KLHL7: variants seen among roughly 807,000 people sequenced by gnomAD.
KLHL7 encodes the protein kelch like family member 7, also known as kelch-like protein 7.
Under a neutral mutation model 67.4 loss-of-function variants are expected in KLHL7, and 44 were observed. The observed-to-expected ratio is 0.65, with a 90% CI of 0.51 to 0.84. The LOEUF is 0.84. KLHL7 is among the 40% of genes least tolerant of loss of function. The pLI, the probability that KLHL7 is intolerant of heterozygous loss-of-function variation, is 0.00. For synonymous variants in KLHL7, 252 were observed against 243.3 expected, an observed-to-expected ratio of 1.04 and a Z score of -0.33; for missense variants, 362 against 718.1, an observed-to-expected ratio of 0.50 and a Z score of 5.67.
intron 7 of KLHL7, among the ~76,000 whole-genome samples, chr7:23,152,943 A>C (rs1784584981): frequency 1.3e-5 from 2 of 152,178 alleles, no homozygotes; most frequent in South Asian, 4.1e-4. Context: ...CAAACTTGCA[A>C]GGTGATATCC....
At position 23,174,319 on chromosome 7, in the gene KLHL7, T is replaced by G. The variant is rs1785243244; in HGVS notation, c.*21T>G. The G allele has an allele frequency of 4.4e-6, 7 of 1,596,932 alleles. No individual in the cohort carries two copies. Among genetic ancestry groups the G allele is most frequent in the Non-Finnish European group, 5.1e-6 (6 of 1,178,096 alleles). On this transcript the variant is annotated 3_prime_UTR_variant, in exon 11 of 11. Transcript: ENST00000339077. The stretch of plus-strand genomic sequence containing the variant: ...CATGAAAAATGAGTGGACTTCAGAC[T>G]CATCAGAGACTCTAAAATATAGCCA...
In KLHL7 at chr7:23,152,048, G is replaced by A. The variant is rs907544077; in HGVS notation, c.794-19G>A. 1 of 1,613,386 alleles carries A rather than the reference G, an allele frequency of 6.2e-7. No homozygotes were observed. Among genetic ancestry groups the A allele is most frequent in the South Asian group, 1.1e-5 (1 of 91,062 alleles). On this transcript the variant is annotated intron_variant, in intron 6 of 10. Transcript: ENST00000339077. ...TAGTGCCTGAAGTTCTTGAAGCGTT[G>A]CCATGTATTTTACTACAGGTGGAAT...
Position 23,174,347 on chromosome 7 carries a change from A to G in KLHL7, c.*49A>G, listed in dbSNP as rs752768650. 2 of 1,595,630 alleles carry G rather than the reference A, an allele frequency of 1.3e-6. No homozygotes were observed. Among genetic ancestry groups the G allele is most frequent in the Non-Finnish European group, 1.7e-6 (2 of 1,163,666 alleles). ...TCAGAGACTCTAAAATATAGCCACCAGTGCTTTGTTCCAGGAGTTTGGTGA... is the reference window on the plus strand; with the variant it reads ...TCAGAGACTCTAAAATATAGCCACCGGTGCTTTGTTCCAGGAGTTTGGTGA... On this transcript the variant is annotated 3_prime_UTR_variant, in exon 11 of 11. Transcript: ENST00000339077.
intron 4 of KLHL7, among the ~76,000 whole-genome samples, chr7:23,134,895 A>G (rs1315728857): frequency 3.9e-5 from 6 of 152,098 alleles, no homozygotes. Context: ...TTTCAAAAAA[A>G]CAACTTTTTG....
In KLHL7 at chr7:23,165,754, C is replaced by T. The variant is rs199531564; in HGVS notation, c.993C>T (p.Cys331=). Residue 331 remains cysteine (C), a synonymous_variant, in exon 8 of 11, where the codon TGC becomes TGT. Transcript: ENST00000339077. ...TTGAAAAACGAAGAGATGCAGCATG[C>T]GTGTTTTGGGACAATGTAGTATACA... ...CPFEKRRDAA[C]VFWDNVVYIL... is the part of the protein sequence containing the mutation. 120 of 1,613,926 alleles carry T rather than the reference C, an allele frequency of 7.4e-5. 1 individual carries two copies. The South Asian group carries it at 1.2e-3, about 16-fold the overall frequency.
Position 23,172,932 on chromosome 7 carries a change from A to G in KLHL7, c.1380-16A>G, listed in dbSNP as rs1313095656. ...CTTCCTGTAAACAAGCACACTAAAAACTTTAATTTTTTCAGATGGACTGAG... is the reference window on the plus strand; with the variant it reads ...CTTCCTGTAAACAAGCACACTAAAAGCTTTAATTTTTTCAGATGGACTGAG... On this transcript the variant is annotated splice_polypyrimidine_tract_variant and intron_variant, in intron 9 of 10. Coordinates refer to ENST00000339077, the MANE Select transcript of KLHL7 (RefSeq NM_001031710.3). The G allele has an allele frequency of 1.3e-6, 2 of 1,598,568 alleles. No homozygotes were observed. The highest frequency in any genetic ancestry group is 4.5e-5 in the East Asian group (2 of 44,760).
chr7:23,145,262 G>T (rs537759012), intron 6 of KLHL7, among the ~76,000 whole-genome samples: 1 of 148,632 alleles, frequency 6.7e-6, no homozygotes, highest in African/African-American at 2.5e-5. Flanking sequence ...TTTGTCTCTT[G>T]GCCTTTTTCT....
chr7:23,106,361 A>G, intron 1 of KLHL7: 1 of 1,400,244 alleles, frequency 7.1e-7, no homozygotes, highest in Non-Finnish European at 9.3e-7. Flanking sequence ...CCGAGGATGT[A>G]GCTCCCAAGT....
intron 6 of KLHL7, among the ~76,000 whole-genome samples, chr7:23,149,377 C>A (rs1784461020): frequency 6.6e-6 from 1 of 152,168 alleles, no homozygotes; most frequent in Non-Finnish European, 1.5e-5. Flanking sequence ...CATGGTCAGC[C>A]ACTTTTACCA....
intron 6 of KLHL7, among the ~76,000 whole-genome samples, chr7:23,151,157 G>GT (rs1378700987): frequency 0.016 from 792 of 50,012 alleles, 2 homozygotes; most frequent in Non-Finnish European, 0.017. Context: ...GGCCTGTTTT[G>GT]TTTTTTTTTT....
At chr7:23,173,894 TTC>T in intron 10 of KLHL7, 119 bp from the exon 11 acceptor site, 1 of 982,276 alleles carries the variant, frequency 1.0e-6, no homozygotes. Context: ...ATTACAGTTT[TTC>T]TGTGTGTTTG....
chr7:23,127,797 C>T (rs972970343), intron 4 of KLHL7, among the ~76,000 whole-genome samples: 3 of 151,924 alleles, frequency 2.0e-5, no homozygotes, highest in African/African-American at 4.8e-5. Context: ...TCGTTTGAAC[C>T]GGGAGGCGGA....
Position 23,164,204 on chromosome 7 carries a change from CA to C in KLHL7, c.937-1479del, listed in dbSNP as rs59830094. On this transcript the variant is annotated intron_variant, in intron 7 of 10. Coordinates refer to ENST00000339077, the MANE Select transcript of KLHL7 (RefSeq NM_001031710.3). Reference sequence around the variant, plus strand: ...TACAGTATCTAGGTACTATAATCAGCAAAAAAAAAAAAAAATTCCCATATAG... The same window carrying C: ...TACAGTATCTAGGTACTATAATCAGCAAAAAAAAAAAAAATTCCCATATAG... 2.1e-3 allele frequency among the ~76,000 whole-genome samples: 283 copies of C among 134,116 alleles called. No homozygotes were observed. In the East Asian group the frequency reaches 0.031, roughly 15 times the overall value. The allele number at this position is 134,116 out of a possible 152,430, so 88.0% of individuals were successfully genotyped here.
chr7:23,126,798 A>G (rs1376872588), intron 4 of KLHL7, among the ~76,000 whole-genome samples: 1 of 152,232 alleles, frequency 6.6e-6, no homozygotes, highest in African/African-American at 2.4e-5. Context: ...ACTTAGCCTA[A>G]TATCCAGAAA....
At chr7:23,121,224 A>T (rs1310576641) in intron 1 of KLHL7, among the ~76,000 whole-genome samples, 1 of 152,046 alleles carries the variant, frequency 6.6e-6, no homozygotes, top group African/African-American at 2.4e-5. Context: ...TATTTTCTTT[A>T]TCAATTCGTC....
rs1297570078 is a variant in KLHL7 at position 23,175,356 on chromosome 7, G to A, written c.*1058G>A. On this transcript the variant is annotated 3_prime_UTR_variant, in exon 11 of 11. Transcript: ENST00000339077. ...TTGCCTTTTTCACTGTGTATGGAAT[G>A]AAACATGTAAAGCTGTCACAATCAA... 4.4e-6 allele frequency: 2 copies of A among 453,662 alleles called. No homozygotes were observed. Among genetic ancestry groups the A allele is most frequent in the Non-Finnish European group, 8.8e-6 (2 of 226,726 alleles). The allele number at this position is 453,662 out of a possible 1,614,324, so 28.1% of individuals were successfully genotyped here.
rs761855730 is a variant in KLHL7 at position 23,124,748 on chromosome 7, T to C, written c.284T>C (p.Ile95Thr). 3.1e-6 allele frequency: 5 copies of C among 1,611,482 alleles called. No homozygotes were observed. Among genetic ancestry groups the C allele is most frequent in the Non-Finnish European group, 4.2e-6 (5 of 1,177,576 alleles). ...VELKDAEPDI[I>T]EQLVEFAYTA... is the part of the protein sequence containing the mutation. ...CTCAAAGATGCTGAACCTGATATTA[T>C]TGAACAACTGGTGGAATTTGCTTAT... is the stretch of plus-strand genomic sequence containing the variant. The change falls in exon 3 of 11, where the codon ATT becomes ACT. Residue 95 changes from isoleucine (I) to threonine (T), a missense_variant. By Grantham distance (89) the Ile-to-Thr change is moderately conservative. Coordinates refer to ENST00000339077, the MANE Select transcript of KLHL7 (RefSeq NM_001031710.3).
At position 23,175,911 on chromosome 7, in the gene KLHL7, A is replaced by C. The variant is rs1785285446; in HGVS notation, c.*1613A>C. 6.9e-6 allele frequency: 1 copy of C among 144,408 alleles called. No individual in the cohort carries two copies. The allele number at this position is 144,408 out of a possible 1,614,324, so 8.9% of individuals were successfully genotyped here. On this transcript the variant is annotated 3_prime_UTR_variant, in exon 11 of 11. Transcript: ENST00000339077. ...GACAGGCAGAGGTTGCAGTGAGCTG[A>C]GATCAAGCCACTGCACCCCAGCCTG... is the stretch of plus-strand genomic sequence containing the variant.
chr7:23,144,404 G>A (rs1459614302), intron 6 of KLHL7, among the ~76,000 whole-genome samples: 2 of 152,060 alleles, frequency 1.3e-5, no homozygotes, highest in Admixed American at 6.5e-5. Context: ...TTGCCACATC[G>A]TTTTCATTTG....
Sources: allele counts gnomAD v4.1 joint callset (sites outside exome capture counted in the v4.1 genomes callset), GRCh38; gene constraint gnomAD v4.1.1; transcripts MANE v1.5; gene names NCBI Gene and HGNC (gene_info 2026-07-23, HGNC 2026-07-21).